RDX: variants seen among roughly 807,000 people sequenced by gnomAD.
RDX encodes the protein radixin, also known as deafness, autosomal recessive 24.
RDX carries 32 observed loss-of-function variants against 83.7 expected under a neutral mutation model. The observed-to-expected ratio is 0.38, with a 90% CI of 0.29 to 0.51. The LOEUF is 0.51. RDX is among the 20% of genes least tolerant of loss of function. The probability of loss-of-function intolerance (pLI) is 0.87; values close to 1 mark genes in which losing one functional copy is unlikely to be tolerated. For missense variants in RDX, 600 were observed against 689.9 expected (o/e 0.87, Z 1.46); for synonymous variants, 229 against 222.7 (o/e 1.03, Z -0.25).
chr11:110,231,045 C>A lies in RDX; in HGVS notation c.*824G>T, dbSNP rs1864614414. On this transcript the variant is annotated 3_prime_UTR_variant, in exon 14 of 14. Coordinates refer to ENST00000645495, the MANE Select transcript of RDX (RefSeq NM_002906.4). ...TTTTCTAAATCAGTCTATAAAAGAA[C>A]AAAACTTTTAAAATCTTGCAGAGGC... The A allele has an allele frequency of 6.6e-6, 1 of 152,368 alleles. No homozygotes were observed. The highest frequency in any genetic ancestry group is 1.5e-5 in the Non-Finnish European group (1 of 67,970). 9.4% of individuals were successfully genotyped at this position (152,368 alleles called of 1,614,324 possible).
chr11:110,291,250 C>T (rs555893863), intron 1 of RDX, among the ~76,000 whole-genome samples: 18 of 152,086 alleles, frequency 1.2e-4, no homozygotes, highest in Non-Finnish European at 2.1e-4. Flanking sequence ...GCCTGAGCCC[C>T]GGAGTTCAAA....
At chr11:110,289,956 CAAAAAAAAAAAA>C (rs58146009) in intron 1 of RDX, among the ~76,000 whole-genome samples, 2 of 35,486 alleles carry the variant, frequency 5.6e-5, no homozygotes, top group Admixed American at 4.8e-4. Context: ...GAGACTGTCT[CAAAAAAAAAAAA>C]AAAAAAAAAA....
At chr11:110,274,447 T>C (rs1860432065) in intron 2 of RDX, among the ~76,000 whole-genome samples, 1 of 152,178 alleles carries the variant, frequency 6.6e-6, no homozygotes, top group African/African-American at 2.4e-5. Flanking sequence ...GTTGATCAAG[T>C]TTTCTTTCTT....
intron 14 of RDX, among the ~76,000 whole-genome samples, chr11:110,215,920 TCAGG>T (rs1864035443): frequency 6.6e-6 from 1 of 152,214 alleles, no homozygotes; most frequent in Non-Finnish European, 1.5e-5. Flanking sequence ...TGCCCCTTGC[TCAGG>T]CAGATGCAGC....
At chr11:110,220,997 T>C (rs995324462) in intron 14 of RDX, among the ~76,000 whole-genome samples, 3 of 151,830 alleles carry the variant, frequency 2.0e-5, no homozygotes, top group African/African-American at 7.3e-5. Flanking sequence ...CTCCTGACAG[T>C]TTCTAAGCAT....
intron 15 of RDX, among the ~76,000 whole-genome samples, chr11:110,187,881 G>A (rs1863018322): frequency 6.6e-6 from 1 of 152,250 alleles, no homozygotes; most frequent in Non-Finnish European, 1.5e-5. Context: ...ACACCCATCT[G>A]TGTTGGCTGC....
At chr11:110,274,906 AG>A (rs1860451384) in intron 2 of RDX, among the ~76,000 whole-genome samples, 1 of 152,234 alleles carries the variant, frequency 6.6e-6, no homozygotes, top group African/African-American at 2.4e-5. Flanking sequence ...TCCGAGTGTC[AG>A]AATTTCTCCA....
intron 15 of RDX, among the ~76,000 whole-genome samples, chr11:110,197,383 T>C (rs1446742913): frequency 6.6e-6 from 1 of 152,178 alleles, no homozygotes; most frequent in Non-Finnish European, 1.5e-5. Context: ...TAATCAACTA[T>C]GGAGAGGCCC....
chr11:110,262,183 A>G lies in RDX; in HGVS notation c.467+1777T>C, dbSNP rs112772434. 8.7e-4 allele frequency among the ~76,000 whole-genome samples: 133 copies of G among 152,354 alleles called. 1 individual carries two copies. The highest frequency in any genetic ancestry group is 3.1e-3 in the African/African-American group (129 of 41,584). On this transcript the variant is annotated intron_variant, in intron 5 of 13. Transcript: ENST00000645495. ...AACCAGAATATAAACAGACTATCAG[A>G]TATCTCATATTCCTGACTCTCTTGG...
At chr11:110,237,383 G>A (rs1864898140) in intron 11 of RDX, 109 bp downstream of exon 11, 23 of 974,576 alleles carry the variant, frequency 2.4e-5, no homozygotes, top group Middle Eastern at 3.2e-4. Flanking sequence ...TGTTATCTTT[G>A]GCTTGCTCTC....
At chr11:110,194,453 C>T (rs748343943) in intron 15 of RDX, among the ~76,000 whole-genome samples, 5 of 152,206 alleles carry the variant, frequency 3.3e-5, no homozygotes, top group Non-Finnish European at 7.3e-5. Context: ...CTCCTGACCT[C>T]AACTGATCCG....
chr11:110,249,807 A>C (rs928635757), intron 9 of RDX, among the ~76,000 whole-genome samples: 2 of 152,178 alleles, frequency 1.3e-5, no homozygotes, highest in African/African-American at 4.8e-5. Context: ...CCAGGAGGTC[A>C]ATGTTGCAGT....
At chr11:110,279,393 G>C (rs1280184391) in intron 2 of RDX, among the ~76,000 whole-genome samples, 1 of 152,140 alleles carries the variant, frequency 6.6e-6, no homozygotes, top group Non-Finnish European at 1.5e-5. Context: ...GGGCATGATG[G>C]CAGGTGCCTG....
chr11:110,233,467 G>C lies in RDX; in HGVS notation c.1357C>G (p.Gln453Glu), dbSNP rs1864722505. ...TEWQHKAFAA[Q>E]EDLEKTKEEL... Reference sequence around the variant, plus strand: ...TCTTTGGTCTTTTCCAAGTCTTCCTGGGCTGCAAAAGCCTGAACATTAAAA... The same window carrying C: ...TCTTTGGTCTTTTCCAAGTCTTCCTCGGCTGCAAAAGCCTGAACATTAAAA... Residue 453 changes from glutamine to glutamate, a missense_variant, in exon 13 of 14, where the codon CAG becomes GAG. By Grantham distance (29) the Gln-to-Glu change is conservative. Transcript: ENST00000645495. The C allele has an allele frequency of 1.2e-6, 2 of 1,613,840 alleles. No individual in the cohort carries two copies. The highest frequency in any genetic ancestry group is 1.7e-5 in the Admixed American group (1 of 59,942).
chr11:110,263,608 C>T (rs1040169729), intron 5 of RDX, among the ~76,000 whole-genome samples: 2 of 151,450 alleles, frequency 1.3e-5, no homozygotes, highest in African/African-American at 4.8e-5. Flanking sequence ...TGCCTGTAAT[C>T]CCAGCACTTT....
chr11:110,257,970 T>G (rs765785339), intron 6 of RDX, 57 bp from the exon 7 acceptor site: 12 of 1,556,570 alleles, frequency 7.7e-6, no homozygotes, highest in Non-Finnish European at 1.1e-5. Flanking sequence ...AAACTAAAGT[T>G]GCAAAATACC....
At chr11:110,247,878 T>A in intron 9 of RDX, 45 bp from the exon 10 acceptor site, 1 of 1,531,004 alleles carries the variant, frequency 6.5e-7, no homozygotes. Flanking sequence ...TACACAAAAA[T>A]ATTATTCATG....
At chr11:110,253,862 A>C (rs1268059047) in intron 9 of RDX, 84 bp downstream of exon 9, 1 of 1,103,748 alleles carries the variant, frequency 9.1e-7, no homozygotes, top group Non-Finnish European at 1.4e-6. Flanking sequence ...TACAAATTTA[A>C]GGTACATTTA....
intron 14 of RDX, among the ~76,000 whole-genome samples, chr11:110,210,367 T>G (rs1267317870): frequency 4.3e-5 from 5 of 117,554 alleles, no homozygotes; most frequent in African/African-American, 1.1e-4. Flanking sequence ...ATCTGATTGG[T>G]GTACCTGAAA....
Sources: gnomAD v4.1 joint callset for allele counts (sites outside exome capture counted in the v4.1 genomes callset) on GRCh38, gnomAD v4.1.1 for gene constraint, MANE v1.5 for transcripts, NCBI Gene and HGNC (gene_info 2026-07-23, HGNC 2026-07-21) for gene names.